The following FSTL5 variants were observed in gnomAD, a reference collection of about 807,000 sequenced individuals.
FSTL5 encodes the protein follistatin-related protein 5.
In FSTL5, 62 loss-of-function variants were observed where a neutral mutation model predicts 89.1. The observed-to-expected ratio is 0.70, with a 90% CI of 0.57 to 0.86. The LOEUF (loss-of-function observed/expected upper bound fraction) is 0.86. Ranked by LOEUF, FSTL5 falls within the 40% of genes least tolerant of loss-of-function variation. FSTL5 has a pLI of 0.00. For synonymous variants in FSTL5, 383 were observed against 346.2 expected, an observed-to-expected ratio of 1.11 and a Z score of -1.18; for missense variants, 1,057 against 1,001.6, an observed-to-expected ratio of 1.06 and a Z score of -0.75.
Position 161,510,427 on chromosome 4 carries a change from G to T in FSTL5, c.1313-3C>A. On this transcript the variant is annotated splice_region_variant and splice_polypyrimidine_tract_variant and intron_variant, in intron 10 of 15. Transcript: ENST00000306100. ...TTCTCTCCATAATATGTTAGCTACTGCAGCATGTTGAAAGAAAAAGAAGAA... is the reference window on the plus strand; with the variant it reads ...TTCTCTCCATAATATGTTAGCTACTTCAGCATGTTGAAAGAAAAAGAAGAA... 6.6e-7 allele frequency: 1 copy of T among 1,521,086 alleles called. No homozygotes were observed. Among genetic ancestry groups the T allele is most frequent in the Non-Finnish European group, 8.8e-7 (1 of 1,131,182 alleles). The allele number at this position is 1,521,086 out of a possible 1,614,324, so 94.2% of individuals were successfully genotyped here.
In FSTL5 at chr4:161,577,473, C is replaced by CAAAAAAAAAAAA. The variant is rs544029134; in HGVS notation, c.1015+9970_1015+9981dup. 1.3e-4 allele frequency among the ~76,000 whole-genome samples: 14 copies of CAAAAAAAAAAAA among 110,186 alleles called. 1 individual carries two copies. Among genetic ancestry groups the CAAAAAAAAAAAA allele is most frequent in the Admixed American group, 5.2e-4 (5 of 9,662 alleles). The allele number at this position is 110,186 out of a possible 152,430, so 72.3% of individuals were successfully genotyped here. On this transcript the variant is annotated intron_variant, in intron 8 of 15. Transcript: ENST00000306100. The stretch of plus-strand genomic sequence containing the variant: ...CCCTGAAAGAAGAGAAGAAAAAAGA[C>CAAAAAAAAAAAA]AAAAAAAAAAAAAAAAAAGGAAACA...
At chr4:161,838,885 C>T (rs1032597568) in intron 4 of FSTL5, among the ~76,000 whole-genome samples, 2 of 149,858 alleles carry the variant, frequency 1.3e-5, no homozygotes, top group African/African-American at 4.9e-5. Flanking sequence ...CAAGTATTTA[C>T]TCTGAACGCA....
intron 8 of FSTL5, among the ~76,000 whole-genome samples, chr4:161,584,704 A>C (rs1305226117): frequency 6.6e-6 from 1 of 152,176 alleles, no homozygotes; most frequent in Non-Finnish European, 1.5e-5. Flanking sequence ...CTGGTCTTGG[A>C]AAGGTTAATA....
intron 3 of FSTL5, among the ~76,000 whole-genome samples, chr4:161,987,471 T>TAC (rs1491457762): frequency 1.4e-5 from 2 of 140,892 alleles, no homozygotes; most frequent in Non-Finnish European, 1.5e-5. Context: ...TATATATATG[T>TAC]ATATATATAT....
intron 3 of FSTL5, among the ~76,000 whole-genome samples, chr4:162,026,271 T>A (rs902276921): frequency 1.1e-4 from 16 of 144,646 alleles, no homozygotes; most frequent in Non-Finnish European, 2.0e-4. Context: ...AAACATGACA[T>A]TCAATTATTT....
At chr4:161,613,805 T>C (rs758022074) in intron 7 of FSTL5, among the ~76,000 whole-genome samples, 2 of 152,314 alleles carry the variant, frequency 1.3e-5, no homozygotes, top group Middle Eastern at 3.4e-3. Context: ...TTTATAATTA[T>C]ATGAAAGTAA....
At chr4:161,782,188 G>A (rs2126810833) in intron 4 of FSTL5, among the ~76,000 whole-genome samples, 1 of 152,300 alleles carries the variant, frequency 6.6e-6, no homozygotes, top group South Asian at 2.1e-4. Flanking sequence ...TGTGGATAAA[G>A]CTGCTATAAA....
chr4:161,703,650 T>C (rs190488991), intron 6 of FSTL5, among the ~76,000 whole-genome samples: 11 of 152,244 alleles, frequency 7.2e-5, no homozygotes, highest in Admixed American at 3.9e-4. Context: ...TTTCCAACCA[T>C]GAAATTGATT....
At chr4:162,003,528 GGAAA>G (rs1302384758) in intron 3 of FSTL5, among the ~76,000 whole-genome samples, 1 of 151,978 alleles carries the variant, frequency 6.6e-6, no homozygotes, top group Non-Finnish European at 1.5e-5. Context: ...AAGAAATGAA[GGAAA>G]GAAAGAACAC....
At position 161,540,565 on chromosome 4, in the gene FSTL5, T is replaced by C. The variant is rs1245144089; in HGVS notation, c.1177+1967A>G. ...AAGGCAAATCTCCCCTTATTTCTTATTGATTTCTATGACTCTTCCTGCAGG... is the reference window on the plus strand; with the variant it reads ...AAGGCAAATCTCCCCTTATTTCTTACTGATTTCTATGACTCTTCCTGCAGG... On this transcript the variant is annotated intron_variant, in intron 9 of 15. Transcript: ENST00000306100. Among the ~76,000 whole-genome samples the C allele has an allele frequency of 2.6e-5, 4 of 152,100 alleles. No individual in the cohort carries two copies. The East Asian group carries it at 5.8e-4, about 22-fold the overall frequency.
intron 2 of FSTL5, among the ~76,000 whole-genome samples, chr4:162,083,126 A>G (rs1208042406): frequency 6.6e-6 from 1 of 151,792 alleles, no homozygotes; most frequent in East Asian, 1.9e-4. Flanking sequence ...TATTCATGCC[A>G]GAGACAATAT....
intron 13 of FSTL5, among the ~76,000 whole-genome samples, chr4:161,476,162 C>T: frequency 8.3e-6 from 1 of 120,668 alleles, no homozygotes; most frequent in African/African-American, 3.4e-5. Context: ...TCTCCTTCTT[C>T]AAGTTTGCTG....
chr4:161,533,071 T>C (rs1731476902), intron 10 of FSTL5, among the ~76,000 whole-genome samples: 1 of 151,802 alleles, frequency 6.6e-6, no homozygotes, highest in Non-Finnish European at 1.5e-5. Flanking sequence ...GGTTGCTGCT[T>C]AAGCAGTGTT....
At chr4:161,817,886 T>C (rs1367594098) in intron 4 of FSTL5, among the ~76,000 whole-genome samples, 1 of 152,042 alleles carries the variant, frequency 6.6e-6, no homozygotes, top group Non-Finnish European at 1.5e-5. Context: ...GTGGTCCCTT[T>C]AAATGATACT....
chr4:162,025,961 A>G (rs902644424), intron 3 of FSTL5, among the ~76,000 whole-genome samples: 1 of 151,896 alleles, frequency 6.6e-6, no homozygotes, highest in Non-Finnish European at 1.5e-5. Flanking sequence ...CTAAGTTCTT[A>G]GGTAAGAAGG....
chr4:161,837,908 A>G (rs1016733860), intron 4 of FSTL5, among the ~76,000 whole-genome samples: 17 of 152,170 alleles, frequency 1.1e-4, no homozygotes, highest in Admixed American at 9.8e-4. Context: ...CTTGACTTTC[A>G]GGATCAATAA....
At chr4:161,744,115 A>T (rs1271425607) in intron 6 of FSTL5, among the ~76,000 whole-genome samples, 4 of 152,216 alleles carry the variant, frequency 2.6e-5, no homozygotes, top group African/African-American at 9.6e-5. Context: ...GTTTTTTTCA[A>T]AGATAGATGC....
At chr4:161,732,409 T>C (rs1003984283) in intron 6 of FSTL5, among the ~76,000 whole-genome samples, 2 of 152,060 alleles carry the variant, frequency 1.3e-5, no homozygotes, top group African/African-American at 4.8e-5. Flanking sequence ...TTTTGTTGGA[T>C]ACATGGTTTT....
intron 2 of FSTL5, among the ~76,000 whole-genome samples, chr4:162,056,025 G>A (rs1738531748): frequency 6.6e-6 from 1 of 151,658 alleles, no homozygotes; most frequent in South Asian, 2.1e-4. Flanking sequence ...TATAACCAAA[G>A]AGTAAGAAAT....
Sources: gnomAD v4.1 joint callset for allele counts (sites outside exome capture counted in the v4.1 genomes callset) on GRCh38, gnomAD v4.1.1 for gene constraint, MANE v1.5 for transcripts, NCBI Gene and HGNC (gene_info 2026-07-23, HGNC 2026-07-21) for gene names.